The following GPC6 variants were observed in gnomAD, a reference collection of about 807,000 sequenced individuals.
GPC6 encodes the protein glypican 6, also known as glypican-6.
GPC6 carries 14 observed loss-of-function variants against 55.2 expected under a neutral mutation model. The ratio of observed to expected loss-of-function variants is 0.25; its 90% confidence interval spans 0.17 to 0.40. The LOEUF is 0.40. Ranked by LOEUF, GPC6 falls within the 10% of genes least tolerant of loss-of-function variation. GPC6 has a pLI of 1.00. For synonymous variants in GPC6, 278 were observed against 259.6 expected (o/e 1.07, Z -0.68); for missense variants, 641 against 708.5 (o/e 0.90, Z 1.08).
chr13:93,597,281 C>A (rs759197237), intron 2 of GPC6, among the ~76,000 whole-genome samples: 7 of 152,206 alleles, frequency 4.6e-5, no homozygotes, highest in Admixed American at 1.3e-4. Context: ...TGAACCATCA[C>A]AGAGCATCAT....
At chr13:93,792,412 GC>G in intron 2 of GPC6, among the ~76,000 whole-genome samples, 1 of 152,374 alleles carries the variant, frequency 6.6e-6, no homozygotes, top group Middle Eastern at 3.4e-3. Flanking sequence ...CCAGGCTCAA[GC>G]CATTCTCCTG....
chr13:93,765,308 T>TCCAG, intron 2 of GPC6, among the ~76,000 whole-genome samples: 1 of 148,686 alleles, frequency 6.7e-6, no homozygotes, highest in Non-Finnish European at 1.5e-5. Flanking sequence ...AAAGACAACT[T>TCCAG]ATTTGGTTTA....
At chr13:94,342,458 A>C (rs879778039) in intron 6 of GPC6, among the ~76,000 whole-genome samples, 1 of 152,188 alleles carries the variant, frequency 6.6e-6, no homozygotes, top group Non-Finnish European at 1.5e-5. Flanking sequence ...GCAGTGATGC[A>C]GCCGTCGGTC....
At chr13:93,326,092 C>A (rs1462188465) in intron 1 of GPC6, among the ~76,000 whole-genome samples, 1 of 152,122 alleles carries the variant, frequency 6.6e-6, no homozygotes, top group Non-Finnish European at 1.5e-5. Context: ...CCTGAGTGCA[C>A]TCAGCACCAC....
chr13:94,014,983 G>C (rs760823254), intron 3 of GPC6, among the ~76,000 whole-genome samples: 7 of 152,148 alleles, frequency 4.6e-5, no homozygotes, highest in Non-Finnish European at 1.0e-4. Flanking sequence ...TACTATGAAG[G>C]ATGCTATAGA....
chr13:94,260,845 G>A lies in GPC6; in HGVS notation c.878-25504G>A, dbSNP rs190544339. Among the ~76,000 whole-genome samples the A allele has an allele frequency of 8.8e-3, 1,342 of 152,112 alleles. 20 individuals are homozygous for A. The highest frequency in any genetic ancestry group is 0.031 in the African/African-American group (1,271 of 41,500). ...AGGCTGGGTTGAAGGGAGGAAGGGC[G>A]GAACACTAGAAACAAGTTGGAGGGT... On this transcript the variant is annotated intron_variant, in intron 4 of 8. Coordinates refer to ENST00000377047, the MANE Select transcript of GPC6 (RefSeq NM_005708.5).
intron 6 of GPC6, among the ~76,000 whole-genome samples, chr13:94,382,159 G>C (rs1287370056): frequency 1.3e-5 from 2 of 152,172 alleles, no homozygotes; most frequent in East Asian, 3.9e-4. Context: ...TAATTCAAAG[G>C]ATTGAAGGAC....
At chr13:93,914,078 T>A (rs1021759237) in intron 3 of GPC6, among the ~76,000 whole-genome samples, 6 of 152,242 alleles carry the variant, frequency 3.9e-5, no homozygotes, top group South Asian at 2.1e-4. Context: ...TCCTTTTTTT[T>A]ATTATACTTT....
At chr13:93,991,301 C>G (rs1881294572) in intron 3 of GPC6, among the ~76,000 whole-genome samples, 1 of 152,118 alleles carries the variant, frequency 6.6e-6, no homozygotes, top group Non-Finnish European at 1.5e-5. Flanking sequence ...AGACATTATT[C>G]TCCTGCTCTC....
chr13:93,496,425 G>T (rs7334759), intron 1 of GPC6, among the ~76,000 whole-genome samples: 74,524 of 151,940 alleles, frequency 0.49, 18,457 homozygotes, highest in East Asian at 0.67. Context: ...CACTCCCTAG[G>T]GAGATGAACC....
chr13:93,650,352 C>T (rs776581416), intron 2 of GPC6, among the ~76,000 whole-genome samples: 1 of 152,008 alleles, frequency 6.6e-6, no homozygotes, highest in Non-Finnish European at 1.5e-5. Flanking sequence ...GGGTTTCAGA[C>T]AAATCTGTTA....
At chr13:93,901,038 A>G (rs1314499258) in intron 3 of GPC6, among the ~76,000 whole-genome samples, 1 of 152,182 alleles carries the variant, frequency 6.6e-6, no homozygotes, top group African/African-American at 2.4e-5. Context: ...TGTACTCACG[A>G]AAGTAAAGAA....
intron 7 of GPC6, among the ~76,000 whole-genome samples, chr13:94,387,698 G>A (rs1003060553): frequency 1.3e-5 from 2 of 149,856 alleles, no homozygotes; most frequent in Non-Finnish European, 3.0e-5. Flanking sequence ...CTCATTAATG[G>A]GATTACTACC....
intron 1 of GPC6, among the ~76,000 whole-genome samples, chr13:93,459,553 C>T (rs1382495032): frequency 6.6e-6 from 1 of 151,976 alleles, no homozygotes; most frequent in Non-Finnish European, 1.5e-5. Context: ...GCAGTACAAC[C>T]CAAGGATCTC....
rs1342752626 is a variant in GPC6, at chr13:94,405,558, G to T, written c.*2341G>T. ...TTTATGAACTAGATCAGGATGCCTT[G>T]TTTTTCCTGTGCTTTCACCCCCAAA... is the stretch of plus-strand genomic sequence containing the variant. On this transcript the variant is annotated 3_prime_UTR_variant, in exon 9 of 9. Coordinates refer to ENST00000377047, the MANE Select transcript of GPC6 (RefSeq NM_005708.5). The T allele has an allele frequency of 2.6e-5, 4 of 152,052 alleles. No homozygotes were observed. Among genetic ancestry groups the T allele is most frequent in the African/African-American group, 9.7e-5 (4 of 41,394 alleles). The allele number at this position is 152,052 out of a possible 1,614,324, so 9.4% of individuals were successfully genotyped here.
At chr13:93,341,585 A>G (rs1453387744) in intron 1 of GPC6, among the ~76,000 whole-genome samples, 1 of 151,698 alleles carries the variant, frequency 6.6e-6, no homozygotes, top group African/African-American at 2.4e-5. Context: ...CCACTTTTTG[A>G]TGGAGTTATT....
intron 4 of GPC6, among the ~76,000 whole-genome samples, chr13:94,178,957 G>A (rs1240274307): frequency 6.6e-6 from 1 of 152,170 alleles, no homozygotes; most frequent in Non-Finnish European, 1.5e-5. Flanking sequence ...CTGGAGCTCA[G>A]CCCTCCTTCT....
chr13:93,780,495 T>A (rs1403666311), intron 2 of GPC6, among the ~76,000 whole-genome samples: 6 of 152,000 alleles, frequency 3.9e-5, no homozygotes, highest in Non-Finnish European at 2.9e-5. Context: ...TTCTCTAAAC[T>A]GGTACACAGC....
chr13:93,276,491 AG>A (rs1877751305), intron 1 of GPC6, among the ~76,000 whole-genome samples: 1 of 128,628 alleles, frequency 7.8e-6, no homozygotes, highest in Admixed American at 7.6e-5. Flanking sequence ...AGAGAGAGAG[AG>A]AGAGTGTGTG....
Sources: allele counts gnomAD v4.1 joint callset (sites outside exome capture counted in the v4.1 genomes callset), GRCh38; gene constraint gnomAD v4.1.1; transcripts MANE v1.5; gene names NCBI Gene and HGNC (gene_info 2026-07-23, HGNC 2026-07-21).